Variants in DOCK4 observed in about 807,000 individuals in gnomAD.
The protein encoded by DOCK4 is dedicator of cytokinesis 4.
Under a neutral mutation model 268.1 loss-of-function variants are expected in DOCK4, and 97 were observed. That is an observed-to-expected ratio of 0.36 (90% CI 0.31 to 0.43). The LOEUF (loss-of-function observed/expected upper bound fraction) is 0.43. Ranked by LOEUF, DOCK4 falls within the 20% of genes least tolerant of loss-of-function variation. The pLI, the probability that DOCK4 is intolerant of heterozygous loss-of-function variation, is 1.00. For synonymous variants in DOCK4, 954 were observed against 887.2 expected (o/e 1.08, Z -1.34); for missense variants, 2,145 against 2,455.7 (o/e 0.87, Z 2.67).
chr7:112,074,567 G>C (rs1313151170), intron 1 of DOCK4, among the ~76,000 whole-genome samples: 4 of 152,156 alleles, frequency 2.6e-5, no homozygotes, highest in Non-Finnish European at 4.4e-5. Context: ...GCAAGGCTGA[G>C]AAGGAAGAAG....
intron 14 of DOCK4, 107 bp from the exon 15 acceptor site, chr7:111,900,643 T>C (rs368393847): frequency 3.3e-5 from 38 of 1,161,716 alleles, no homozygotes; most frequent in African/African-American, 3.3e-4. Flanking sequence ...AATAGCACTA[T>C]GAAATTACCT....
At chr7:112,064,031 T>C (rs977189130) in intron 1 of DOCK4, among the ~76,000 whole-genome samples, 1 of 152,164 alleles carries the variant, frequency 6.6e-6, no homozygotes, top group South Asian at 2.1e-4. Context: ...GTTCCATCCA[T>C]CAGACGTGAG....
intron 23 of DOCK4, among the ~76,000 whole-genome samples, chr7:111,851,848 T>C (rs1437111689): frequency 6.6e-6 from 1 of 152,190 alleles, no homozygotes; most frequent in Non-Finnish European, 1.5e-5. Context: ...CTTTCAATTT[T>C]ATCCTATATC....
At chr7:111,913,309 C>T (rs1792288067) in intron 13 of DOCK4, among the ~76,000 whole-genome samples, 1 of 151,878 alleles carries the variant, frequency 6.6e-6, no homozygotes, top group South Asian at 2.1e-4. Context: ...GTGGCTCAAG[C>T]CTATCATCCA....
intron 30 of DOCK4, among the ~76,000 whole-genome samples, chr7:111,802,946 T>C (rs1458285461): frequency 6.6e-6 from 1 of 152,226 alleles, no homozygotes; most frequent in East Asian, 1.9e-4. Context: ...GTAAGCATCT[T>C]TAACAGATAG....
rs777658342 is a variant in DOCK4 at position 111,760,242 on chromosome 7, A to G, written c.4101T>C (p.His1367=). 6.2e-7 allele frequency: 1 copy of G among 1,614,020 alleles called. No individual in the cohort carries two copies. The highest frequency in any genetic ancestry group is 1.7e-5 in the Admixed American group (1 of 60,034). ...GGTTGGCGTGCTGCATGGCGATGGC[A>G]TGGGGGAACTCGTTCAGCATTCTCT... ...FQQRMLNEFP[H]AIAMQHANQP... Residue 1367 remains histidine (H), a synonymous_variant, in exon 40 of 53, where the codon CAT becomes CAC. Transcript: ENST00000428084.
intron 32 of DOCK4, among the ~76,000 whole-genome samples, chr7:111,786,495 G>T (rs909967183): frequency 6.6e-6 from 1 of 152,196 alleles, no homozygotes; most frequent in Admixed American, 6.5e-5. Context: ...GTTTCACAAA[G>T]ATGTAGTATG....
intron 33 of DOCK4, 55 bp from the exon 34 acceptor site, chr7:111,784,007 G>T: frequency 6.4e-7 from 1 of 1,569,306 alleles, no homozygotes. Flanking sequence ...CAGTCACCAT[G>T]ACAACCACTT....
intron 26 of DOCK4, among the ~76,000 whole-genome samples, chr7:111,827,708 G>A (rs1010921948): frequency 1.3e-5 from 2 of 152,154 alleles, no homozygotes. Context: ...GGTTTTTAAG[G>A]AATATAACAG....
At chr7:112,160,919 C>A (rs1817059286) in intron 1 of DOCK4, among the ~76,000 whole-genome samples, 1 of 152,142 alleles carries the variant, frequency 6.6e-6, no homozygotes, top group East Asian at 1.9e-4. Context: ...AAGCAGGACT[C>A]GAGGCCCCCC....
At chr7:111,993,369 T>C (rs40549) in intron 5 of DOCK4, among the ~76,000 whole-genome samples, 69,384 of 152,062 alleles carry the variant, frequency 0.46, 16,162 homozygotes, top group African/African-American at 0.51. Flanking sequence ...GGGTCTTCCC[T>C]AATATTTCAC....
chr7:112,013,786 GTCTGTA>G (rs879682359), intron 1 of DOCK4, among the ~76,000 whole-genome samples: 3,672 of 152,266 alleles, frequency 0.024, 157 homozygotes, highest in African/African-American at 0.084. Context: ...GGAAGGCTTA[GTCTGTA>G]CCCTAACTCC....
intron 25 of DOCK4, among the ~76,000 whole-genome samples, chr7:111,841,626 TG>T (rs1278580714): frequency 2.0e-5 from 3 of 152,166 alleles, no homozygotes; most frequent in Admixed American, 1.3e-4. Context: ...AATTTATGTG[TG>T]TGTTTCATGG....
At chr7:111,986,683 A>C (rs1464880972) in intron 6 of DOCK4, among the ~76,000 whole-genome samples, 1 of 152,186 alleles carries the variant, frequency 6.6e-6, no homozygotes, top group East Asian at 1.9e-4. Context: ...AAAGTCAAAG[A>C]ACATCGTGTT....
chr7:111,898,806 G>A (rs966647724), intron 15 of DOCK4, among the ~76,000 whole-genome samples: 5 of 152,144 alleles, frequency 3.3e-5, no homozygotes, highest in African/African-American at 1.2e-4. Flanking sequence ...AAAAACCTAT[G>A]AGGAATTTTT....
At chr7:111,851,958 CTTTTTT>C (rs35969396) in intron 23 of DOCK4, among the ~76,000 whole-genome samples, 5 of 124,962 alleles carry the variant, frequency 4.0e-5, no homozygotes, top group African/African-American at 1.7e-4. Context: ...TCTCTCCTTC[CTTTTTT>C]TTTTTTTTTT....
chr7:112,088,592 G>A lies in DOCK4; in HGVS notation c.38-84461C>T, dbSNP rs529291083. Reference sequence around the variant, plus strand: ...CTTGTTTTTTTTCTATTAGTACTATGGGAAAGAGCACAGAGCTTAAACATG... The same window carrying A: ...CTTGTTTTTTTTCTATTAGTACTATAGGAAAGAGCACAGAGCTTAAACATG... On this transcript the variant is annotated intron_variant, in intron 1 of 52. Transcript: ENST00000428084. Among the ~76,000 whole-genome samples the A allele has an allele frequency of 2.6e-5, 4 of 152,146 alleles. No individual in the cohort carries two copies. The East Asian group carries it at 7.7e-4, about 29-fold the overall frequency.
intron 27 of DOCK4, among the ~76,000 whole-genome samples, chr7:111,818,294 C>T (rs73436204): frequency 0.068 from 10,281 of 152,216 alleles, 1,202 homozygotes; most frequent in African/African-American, 0.23. Context: ...CATCCCTGAG[C>T]TCCATGCAAG....
At position 111,958,317 on chromosome 7, in the gene DOCK4, T is replaced by C. The variant is rs79349566; in HGVS notation, c.702-12519A>G. Among the ~76,000 whole-genome samples the C allele has an allele frequency of 5.5e-3, 830 of 152,270 alleles. 11 individuals carry two copies. Among genetic ancestry groups the C allele is most frequent in the African/African-American group, 0.019 (779 of 41,554 alleles). On this transcript the variant is annotated intron_variant, in intron 8 of 52. Coordinates refer to ENST00000428084, the MANE Select transcript of DOCK4 (RefSeq NM_001363540.2). ...ATCATTAACAATTCCTTTGTTAATG[T>C]TGAACCATCTTACAACACAAATGGC...
Sources: gnomAD v4.1 joint callset for allele counts (sites outside exome capture counted in the v4.1 genomes callset) on GRCh38, gnomAD v4.1.1 for gene constraint, MANE v1.5 for transcripts, NCBI Gene and HGNC (gene_info 2026-07-23, HGNC 2026-07-21) for gene names.